Variants in NXPE2 observed in about 807,000 individuals in gnomAD.
The protein encoded by NXPE2 is NXPE family member 2.
In NXPE2, 34 loss-of-function variants were observed where a neutral mutation model predicts 34.4. The ratio of observed to expected loss-of-function variants is 0.99; its 90% CI spans 0.75 to 1.31. The LOEUF (loss-of-function observed/expected upper bound fraction) is 1.31, where lower values mean the gene tolerates loss of function less well. Among genes scored for constraint, NXPE2 ranks in the 40% most tolerant of loss-of-function variants. The pLI, the probability that NXPE2 is intolerant of heterozygous loss-of-function variation, is 0.00. For synonymous variants in NXPE2, 235 were observed against 231.3 expected, an observed-to-expected ratio of 1.02 and a Z score of -0.15; for missense variants, 649 against 672.5, an observed-to-expected ratio of 0.97 and a Z score of 0.39.
the NXPE2 span, among the ~76,000 whole-genome samples, chr11:114,531,615 A>G: frequency 1.3e-5 from 2 of 152,012 alleles, no homozygotes; most frequent in Non-Finnish European, 1.5e-5. Flanking sequence ...TCTGTGGCCT[A>G]TTTTCAACTC....
chr11:114,730,234 G>C, the NXPE2 span, among the ~76,000 whole-genome samples: 1 of 151,894 alleles, frequency 6.6e-6, no homozygotes, highest in African/African-American at 2.4e-5. Context: ...TTATTTCTGG[G>C]TTCTCTATTT....
chr11:114,602,945 T>C, the NXPE2 span, among the ~76,000 whole-genome samples: 53 of 149,874 alleles, frequency 3.5e-4, no homozygotes, highest in Non-Finnish European at 5.9e-4. Flanking sequence ...TACAGAATCA[T>C]AATTATCTCA....
the NXPE2 span, among the ~76,000 whole-genome samples, chr11:114,805,806 G>A: frequency 7.9e-5 from 12 of 152,238 alleles, no homozygotes; most frequent in Admixed American, 6.5e-4. Flanking sequence ...AGTAACCTCT[G>A]CAGACTTAAA....
chr11:114,608,565 ATCCACTGATACCCACTGGATAATAATTG>A, the NXPE2 span, among the ~76,000 whole-genome samples: 53 of 151,416 alleles, frequency 3.5e-4, no homozygotes, highest in Non-Finnish European at 6.3e-4. Context: ...CATCGTGTGT[ATCCACTGATACCCACTGGATAATAATTG>A]TTGCCTCTAG....
chr11:114,612,009 C>T, the NXPE2 span, among the ~76,000 whole-genome samples: 3 of 151,886 alleles, frequency 2.0e-5, no homozygotes, highest in Non-Finnish European at 4.4e-5. Flanking sequence ...ATAAGTCATG[C>T]CTCATGGGTA....
the NXPE2 span, among the ~76,000 whole-genome samples, chr11:114,473,105 T>C: frequency 6.6e-6 from 1 of 152,174 alleles, no homozygotes; most frequent in African/African-American, 2.4e-5. Context: ...AAATATTAGA[T>C]GATGAAGGTT....
chr11:114,706,145 C>A, intron 5 of NXPE2, 149 bp downstream of exon 5: 1 of 441,378 alleles, frequency 2.3e-6, no homozygotes, highest in Non-Finnish European at 3.6e-6. Context: ...TGGCTTTGGG[C>A]TTTTAATAAA....
chr11:114,758,656 A>G, the NXPE2 span, among the ~76,000 whole-genome samples: 1 of 152,090 alleles, frequency 6.6e-6, no homozygotes, highest in Admixed American at 6.6e-5. Flanking sequence ...CAGAGGAGAA[A>G]ACTTAATTCA....
chr11:114,622,742 T>C, the NXPE2 span, among the ~76,000 whole-genome samples: 3 of 151,214 alleles, frequency 2.0e-5, no homozygotes, highest in Admixed American at 6.6e-5. Context: ...GTAACCACTG[T>C]TACCCAGCGG....
At chr11:114,489,387 T>G in the NXPE2 span, among the ~76,000 whole-genome samples, 44 of 152,280 alleles carry the variant, frequency 2.9e-4, 1 homozygote, top group Admixed American at 2.4e-3. Context: ...TACCAAAGCC[T>G]GGCAGAGACA....
At chr11:114,700,486 C>T (rs912086154) in intron 3 of NXPE2, among the ~76,000 whole-genome samples, 10 of 151,792 alleles carry the variant, frequency 6.6e-5, no homozygotes, top group East Asian at 5.8e-4. Flanking sequence ...GTTCTAGGAA[C>T]CATGGTGGAG....
At chr11:114,788,079 T>C in the NXPE2 span, among the ~76,000 whole-genome samples, 1 of 151,958 alleles carries the variant, frequency 6.6e-6, no homozygotes, top group Non-Finnish European at 1.5e-5. Context: ...TGAGCTGGAG[T>C]ATCGAGCAAT....
At chr11:114,485,895 A>G in the NXPE2 span, among the ~76,000 whole-genome samples, 1 of 152,188 alleles carries the variant, frequency 6.6e-6, no homozygotes, top group Admixed American at 6.5e-5. Context: ...TTATTCATTC[A>G]TCTGTCGATG....
chr11:114,484,443 A>T, the NXPE2 span, among the ~76,000 whole-genome samples: 2 of 152,072 alleles, frequency 1.3e-5, no homozygotes, highest in African/African-American at 4.8e-5. Context: ...TTGTTTTCCC[A>T]GTGCCCAAAG....
At chr11:114,475,816 A>G in the NXPE2 span, among the ~76,000 whole-genome samples, 1 of 152,224 alleles carries the variant, frequency 6.6e-6, no homozygotes, top group East Asian at 1.9e-4. Context: ...TCAATTATCC[A>G]GTTTTGTAAA....
chr11:114,528,156 A>G, the NXPE2 span, among the ~76,000 whole-genome samples: 1 of 152,176 alleles, frequency 6.6e-6, no homozygotes, highest in Non-Finnish European at 1.5e-5. Context: ...CTGGAATTTT[A>G]GATTCAAAAT....
At chr11:114,470,922 C>G in the NXPE2 span, among the ~76,000 whole-genome samples, 1 of 152,158 alleles carries the variant, frequency 6.6e-6, no homozygotes, top group Non-Finnish European at 1.5e-5. Context: ...ATCTAGACTA[C>G]TGTTTGACCA....
chr11:114,778,019 T>C, the NXPE2 span, among the ~76,000 whole-genome samples: 1 of 152,198 alleles, frequency 6.6e-6, no homozygotes, highest in Non-Finnish European at 1.5e-5. Context: ...GCCACACAGT[T>C]AACTGATTAC....
At chr11:114,802,050 T>C in the NXPE2 span, among the ~76,000 whole-genome samples, 4 of 152,046 alleles carry the variant, frequency 2.6e-5, no homozygotes, top group Non-Finnish European at 4.4e-5. Flanking sequence ...AGAGAGTGAA[T>C]AGATAAAGAC....
Sources: gnomAD v4.1 joint callset for allele counts (sites outside exome capture counted in the v4.1 genomes callset) on GRCh38, gnomAD v4.1.1 for gene constraint, MANE v1.5 for transcripts, NCBI Gene and HGNC (gene_info 2026-07-23, HGNC 2026-07-21) for gene names.